The following PCDHA12 variants were observed in gnomAD, a reference collection of about 807,000 sequenced individuals.
The protein encoded by PCDHA12 is protocadherin alpha-12.
In PCDHA12, 44 loss-of-function variants were observed where a neutral mutation model predicts 60.0. The ratio of observed to expected loss-of-function variants is 0.73; its 90% confidence interval spans 0.58 to 0.94. PCDHA12 has a LOEUF of 0.94. Ranked by LOEUF, PCDHA12 falls within the 40% of genes least tolerant of loss-of-function variation. The pLI is 0.00. For missense variants in PCDHA12, 1,276 were observed against 1,239.7 expected, an observed-to-expected ratio of 1.03 and a Z score of -0.44; for synonymous variants, 569 against 553.0, an observed-to-expected ratio of 1.03 and a Z score of -0.40.
intron 1 of PCDHA12, among the ~76,000 whole-genome samples, chr5:140,925,455 T>C (rs1367623051): frequency 6.6e-6 from 1 of 152,106 alleles, no homozygotes; most frequent in Non-Finnish European, 1.5e-5. Flanking sequence ...GGTGTATCTG[T>C]TGTGGCTCAG....
chr5:140,970,157 C>T (rs2096386547), intron 1 of PCDHA12, among the ~76,000 whole-genome samples: 2 of 152,176 alleles, frequency 1.3e-5, no homozygotes, highest in African/African-American at 4.8e-5. Context: ...TCCCAATAGT[C>T]ACCTTTCTTG....
chr5:140,893,138 A>G (rs1336386852), intron 1 of PCDHA12, among the ~76,000 whole-genome samples: 1 of 152,142 alleles, frequency 6.6e-6, no homozygotes, highest in Non-Finnish European at 1.5e-5. Context: ...TTCTTTATCC[A>G]CTCATCTGTT....
At position 140,877,606 on chromosome 5, in the gene PCDHA12, G is replaced by A; in HGVS notation, c.2134G>A (p.Val712Met). 6.2e-7 allele frequency: 1 copy of A among 1,613,888 alleles called. No homozygotes were observed. The highest frequency in any genetic ancestry group is 8.5e-7 in the Non-Finnish European group (1 of 1,179,904). ...CATCTGTGCGGTGTCCAGCCTGCTGGTGCTCACGCTGCTGCTGTACACTGC... is the reference window on the plus strand; with the variant it reads ...CATCTGTGCGGTGTCCAGCCTGCTGATGCTCACGCTGCTGCTGTACACTGC... ...IAICAVSSLLVLTLLLYTALR... is the reference protein window; with the variant it reads ...IAICAVSSLLMLTLLLYTALR... Residue 712 changes from valine to methionine, a missense_variant, in exon 1 of 4, where the codon GTG (valine) becomes ATG (methionine). Val to Met is a conservative substitution (Grantham distance 21). Transcript: ENST00000398631.
intron 1 of PCDHA12, among the ~76,000 whole-genome samples, chr5:140,925,505 C>A (rs528944783): frequency 6.6e-5 from 10 of 152,052 alleles, no homozygotes; most frequent in African/African-American, 2.2e-4. Flanking sequence ...CCAATATCCA[C>A]GCAAAAGACC....
At position 140,876,882 on chromosome 5, in the gene PCDHA12, G is replaced by C; in HGVS notation, c.1410G>C (p.Pro470=). Reference sequence around the variant, plus strand: ...TGTTCGTGAAGGAGAACAACCCGCCGGGCTGCCACATCTTCACGGTGTCGG... The same window carrying C: ...TGTTCGTGAAGGAGAACAACCCGCCCGGCTGCCACATCTTCACGGTGTCGG... ...YTVFVKENNP[P]GCHIFTVSAW... The change falls in exon 1 of 4, where the codon CCG becomes CCC. Residue 470 remains proline (P), a synonymous_variant. Coordinates refer to ENST00000398631, the MANE Select transcript of PCDHA12 (RefSeq NM_018903.4). The C allele has an allele frequency of 1.2e-6, 2 of 1,614,140 alleles. No homozygotes were observed. Among genetic ancestry groups the C allele is most frequent in the Non-Finnish European group, 1.7e-6 (2 of 1,180,002 alleles).
At chr5:140,961,604 T>C (rs2095623962) in intron 1 of PCDHA12, among the ~76,000 whole-genome samples, 1 of 152,190 alleles carries the variant, frequency 6.6e-6, no homozygotes, top group Non-Finnish European at 1.5e-5. Context: ...TTCTAGTAAA[T>C]GAAACTAAAG....
intron 3 of PCDHA12, among the ~76,000 whole-genome samples, chr5:140,986,653 A>T (rs61089397): frequency 0.012 from 1,845 of 152,236 alleles, 43 homozygotes; most frequent in African/African-American, 0.043. Context: ...AGAGTGGGAG[A>T]TGCTCACAGT....
Position 141,007,401 on chromosome 5 carries a change from A to G in PCDHA12, c.2516-2226A>G, listed in dbSNP as rs981008239. On this transcript the variant is annotated intron_variant, in intron 3 of 3. Coordinates refer to ENST00000398631, the MANE Select transcript of PCDHA12 (RefSeq NM_018903.4). Reference sequence around the variant, plus strand: ...CACCATCTCTACTAAAATACAAAAAAAAAAAAAAAAAAAAAAATTAGCCAG... The same window carrying G: ...CACCATCTCTACTAAAATACAAAAAGAAAAAAAAAAAAAAAAATTAGCCAG... Among the ~76,000 whole-genome samples the G allele has an allele frequency of 7.4e-4, 110 of 149,582 alleles. 1 individual carries two copies. Among genetic ancestry groups the G allele is most frequent in the Non-Finnish European group, 9.7e-4 (65 of 67,302 alleles).
chr5:140,883,861 G>A (rs1554180326), intron 1 of PCDHA12: 2 of 1,613,126 alleles, frequency 1.2e-6, no homozygotes, highest in South Asian at 1.1e-5. Flanking sequence ...TGGAGCTGTT[G>A]CAGTTCCAGG....
chr5:140,968,125 TAC>T, intron 1 of PCDHA12: 1 of 1,614,174 alleles, frequency 6.2e-7, no homozygotes, highest in Non-Finnish European at 8.5e-7. Context: ...CATCCCTGCG[TAC>T]ACTGAAGGTT....
chr5:140,979,329 C>T (rs782808442), intron 2 of PCDHA12, among the ~76,000 whole-genome samples: 3 of 152,162 alleles, frequency 2.0e-5, no homozygotes, highest in Non-Finnish European at 2.9e-5. Flanking sequence ...TTCTTTTCCT[C>T]CTTTAAAAAC....
chr5:140,972,884 G>A (rs763416041), intron 1 of PCDHA12, among the ~76,000 whole-genome samples: 4 of 151,972 alleles, frequency 2.6e-5, no homozygotes, highest in African/African-American at 7.3e-5. Flanking sequence ...GGATGGTCTC[G>A]ATCTCTTGAC....
chr5:140,944,209 A>T (rs1003348568), intron 1 of PCDHA12, among the ~76,000 whole-genome samples: 5 of 152,298 alleles, frequency 3.3e-5, no homozygotes, highest in Non-Finnish European at 5.9e-5. Flanking sequence ...TTGTTTTTAA[A>T]GAGGGTTTTA....
rs558900138 is a variant in PCDHA12, at chr5:140,898,510, C to T, written c.2367+20671C>T. On this transcript the variant is annotated intron_variant, in intron 1 of 3. Coordinates refer to ENST00000398631, the MANE Select transcript of PCDHA12 (RefSeq NM_018903.4). ...AGATCAGATAGTTGTAGATATGCGG[C>T]GTTATTTCTGAGGGCTCTGTTCTGT... Among the ~76,000 whole-genome samples, 9 of 152,196 alleles carry T rather than the reference C, an allele frequency of 5.9e-5. No homozygotes were observed. In the South Asian group the frequency reaches 6.2e-4, roughly 11 times the overall value.
At chr5:140,985,217 G>A (rs1196051994) in intron 3 of PCDHA12, among the ~76,000 whole-genome samples, 3 of 152,206 alleles carry the variant, frequency 2.0e-5, no homozygotes, top group Admixed American at 1.3e-4. Context: ...GATTACAGGC[G>A]TGAGCCACCG....
At chr5:140,929,481 A>G (rs1192778322) in intron 1 of PCDHA12, 4 of 1,195,836 alleles carry the variant, frequency 3.3e-6, no homozygotes, top group Non-Finnish European at 4.5e-6. Flanking sequence ...GGAAGTATAG[A>G]AGTATTAGAA....
intron 3 of PCDHA12, among the ~76,000 whole-genome samples, chr5:140,993,418 C>A (rs59434300): frequency 6.6e-5 from 10 of 151,302 alleles, no homozygotes; most frequent in Non-Finnish European, 1.5e-4. Context: ...ATCAGCATTT[C>A]TCTTTTAAAA....
At position 140,993,462 on chromosome 5, in the gene PCDHA12, T is replaced by TCACACACACA. The variant is rs3836747; in HGVS notation, c.2515+10937_2515+10946dup. On this transcript the variant is annotated intron_variant, in intron 3 of 3. Coordinates refer to ENST00000398631, the MANE Select transcript of PCDHA12 (RefSeq NM_018903.4). Reference sequence around the variant, plus strand: ...CATTCCTGTTCTCCTTCTTTCTTTCTCACACACACACACACACACACACAC... The same window carrying TCACACACACA: ...CATTCCTGTTCTCCTTCTTTCTTTCTCACACACACACACACACACACACACACACACACAC... Among the ~76,000 whole-genome samples, 267 of 141,038 alleles carry TCACACACACA rather than the reference T, an allele frequency of 1.9e-3. 2 individuals are homozygous for TCACACACACA. The highest frequency in any genetic ancestry group is 2.7e-3 in the Non-Finnish European group (175 of 64,694). The allele number at this position is 141,038 out of a possible 152,430, so 92.5% of individuals were successfully genotyped here.
chr5:140,964,909 A>G (rs1164322313), intron 1 of PCDHA12, among the ~76,000 whole-genome samples: 1 of 152,208 alleles, frequency 6.6e-6, no homozygotes, highest in African/African-American at 2.4e-5. Context: ...GCTTCTCTGG[A>G]ATAACACTGG....
Sources: allele counts gnomAD v4.1 joint callset (sites outside exome capture counted in the v4.1 genomes callset), GRCh38; gene constraint gnomAD v4.1.1; transcripts MANE v1.5; gene names NCBI Gene and HGNC (gene_info 2026-07-23, HGNC 2026-07-21).